The following AKT2 variants were observed in gnomAD, a reference collection of about 807,000 sequenced individuals.
AKT2 encodes the protein AKT serine/threonine kinase 2.
Under a neutral mutation model 58.6 loss-of-function variants are expected in AKT2, and 16 were observed. The observed-to-expected ratio is 0.27, with a 90% confidence interval of 0.18 to 0.41. The LOEUF is 0.41. AKT2 is among the 10% of genes least tolerant of loss of function. The pLI, the probability that AKT2 is intolerant of heterozygous loss-of-function variation, is 1.00. For synonymous variants in AKT2, 253 were observed against 254.0 expected, an observed-to-expected ratio of 1.00 and a Z score of 0.04; for missense variants, 438 against 661.0, an observed-to-expected ratio of 0.66 and a Z score of 3.70.
rs919118306 is a variant in AKT2 at position 40,285,041 on chromosome 19, C to G, written c.-85+140G>C. The G allele has an allele frequency of 6.2e-5, 24 of 384,388 alleles. 1 individual carries two copies. In the Admixed American group the frequency reaches 9.5e-4, roughly 15 times the overall value. The allele number at this position is 384,388 out of a possible 1,614,324, so 23.8% of individuals were successfully genotyped here. On this transcript the variant is annotated intron_variant, in intron 1 of 13. Transcript: ENST00000392038. ...CCCACCGCCCCCGCTCGGCCACCCC[C>G]ACTCAGCTCCTGAAGGAGGGGCTCG... is the stretch of plus-strand genomic sequence containing the variant.
intron 4 of AKT2, among the ~76,000 whole-genome samples, chr19:40,252,785 C>T (rs1975258421): frequency 1.3e-5 from 2 of 152,222 alleles, no homozygotes; most frequent in South Asian, 4.1e-4. Flanking sequence ...TTTCTCCTTG[C>T]TATCTCCGTG....
intron 2 of AKT2, 53 bp from the exon 3 acceptor site, chr19:40,257,107 T>C (rs1975593556): frequency 5.0e-6 from 8 of 1,607,360 alleles, no homozygotes; most frequent in Non-Finnish European, 6.0e-6. Context: ...TTGAGTGATG[T>C]CCCAGGTAGG....
intron 6 of AKT2, chr19:40,241,638 C>T: frequency 6.7e-6 from 3 of 446,934 alleles, no homozygotes; most frequent in African/African-American, 2.0e-5. Flanking sequence ...GACTCCCCAA[C>T]AGCGACGTCC....
rs192342056 is a variant in AKT2 at position 40,262,443 on chromosome 19, T to G, written c.46+2779A>C. Among the ~76,000 whole-genome samples, 160 of 152,328 alleles carry G rather than the reference T, an allele frequency of 1.1e-3. 2 individuals are homozygous for G. Among genetic ancestry groups the G allele is most frequent in the African/African-American group, 3.5e-3 (146 of 41,576 alleles). On this transcript the variant is annotated intron_variant, in intron 2 of 13. Transcript: ENST00000392038. The stretch of plus-strand genomic sequence containing the variant: ...TACCGTCTGCCTCTAAACCGGCAGA[T>G]GGAGCCCAGCATGGGGCGTGGCAGA...
Position 40,271,958 on chromosome 19 carries a change from T to A in AKT2, c.-84-6607A>T, listed in dbSNP as rs535283413. Among the ~76,000 whole-genome samples, 3 of 152,270 alleles carry A rather than the reference T, an allele frequency of 2.0e-5. No homozygotes were observed. The East Asian group carries it at 5.8e-4, about 29-fold the overall frequency. ...CTGAAATAGGGAAACCTGGCAACAA[T>A]CTAAAAGCTCACAACAGGGGTCTGG... On this transcript the variant is annotated intron_variant, in intron 1 of 13. Coordinates refer to ENST00000392038, the MANE Select transcript of AKT2 (RefSeq NM_001626.6).
intron 6 of AKT2, 72 bp from the exon 7 acceptor site, chr19:40,240,182 G>A (rs1974303276): frequency 2.1e-6 from 3 of 1,460,932 alleles, no homozygotes; most frequent in Non-Finnish European, 2.9e-6. Context: ...ACGAAGGGGA[G>A]CAAGGCCTTG....
intron 1 of AKT2, among the ~76,000 whole-genome samples, chr19:40,281,860 A>T (rs1444202687): frequency 6.6e-6 from 1 of 152,234 alleles, no homozygotes; most frequent in African/African-American, 2.4e-5. Context: ...TGTATGCCAG[A>T]ACAGTTATGA....
intron 2 of AKT2, among the ~76,000 whole-genome samples, chr19:40,262,858 C>G (rs998208513): frequency 6.6e-6 from 1 of 152,206 alleles, no homozygotes; most frequent in Admixed American, 6.5e-5. Context: ...ATTTTAACCA[C>G]CAAGGGGGTC....
Position 40,237,711 on chromosome 19 carries a change from T to C in AKT2, c.831+258A>G. 2 of 495,508 alleles carry C rather than the reference T, an allele frequency of 4.0e-6. No homozygotes were observed. The highest frequency in any genetic ancestry group is 7.4e-6 in the Non-Finnish European group (2 of 269,258). 30.7% of individuals were successfully genotyped at this position (495,508 alleles called of 1,614,324 possible). On this transcript the variant is annotated intron_variant, in intron 9 of 13. Transcript: ENST00000392038. The surrounding 1 kb of genome is among the most constrained non-coding windows in gnomAD (Gnocchi z 4.5). Reference sequence around the variant, plus strand: ...TCCGCTAGTGGCCTAGGAGCGCTCATGGGAGGCTTGGGAAGGTCCCTACTT... The same window carrying C: ...TCCGCTAGTGGCCTAGGAGCGCTCACGGGAGGCTTGGGAAGGTCCCTACTT...
At position 40,233,541 on chromosome 19, in the gene AKT2, A is replaced by C; in HGVS notation, c.*331T>G. The C allele has an allele frequency of 1.5e-6, 1 of 645,362 alleles. No homozygotes were observed. The highest frequency in any genetic ancestry group is 2.9e-6 in the Non-Finnish European group (1 of 340,474). The allele number at this position is 645,362 out of a possible 1,614,324, so 40.0% of individuals were successfully genotyped here. A position where few individuals can be genotyped will look rare whatever the true frequency, so the allele number is the denominator to read the frequency against. On this transcript the variant is annotated 3_prime_UTR_variant, in exon 14 of 14. Coordinates refer to ENST00000392038, the MANE Select transcript of AKT2 (RefSeq NM_001626.6). This position sits in a 1 kb window ranked among gnomAD's most constrained non-coding sequence, Gnocchi z 4.3. ...ACACCAGCACGACACCCAGGCCAGA[A>C]ACTCAGGCAGGCCCCAGGCGCCATG... is the stretch of plus-strand genomic sequence containing the variant.
intron 1 of AKT2, among the ~76,000 whole-genome samples, chr19:40,281,646 G>A (rs970402605): frequency 7.2e-5 from 11 of 152,202 alleles, no homozygotes; most frequent in South Asian, 6.2e-4. Flanking sequence ...TGTCTCCCCC[G>A]ACCTCTGTTT....
Position 40,233,557 on chromosome 19 carries a change from A to C in AKT2, c.*315T>G. ...CAGGCCAGAAACTCAGGCAGGCCCC[A>C]GGCGCCATGCTTCACCCCTCACTGG... On this transcript the variant is annotated 3_prime_UTR_variant, in exon 14 of 14. Transcript: ENST00000392038. This position sits in a 1 kb window ranked among gnomAD's most constrained non-coding sequence, Gnocchi z 4.3. 1 of 659,412 alleles carries C rather than the reference A, an allele frequency of 1.5e-6. No individual in the cohort carries two copies. The highest frequency in any genetic ancestry group is 2.9e-6 in the Non-Finnish European group (1 of 349,194). The allele number at this position is 659,412 out of a possible 1,614,324, so 40.8% of individuals were successfully genotyped here. A position where few individuals can be genotyped will look rare whatever the true frequency, so the allele number is the denominator to read the frequency against.
intron 1 of AKT2, chr19:40,266,440 GAAGGGAGGT>G (rs1449614411): frequency 6.6e-6 from 1 of 152,358 alleles, no homozygotes; most frequent in Non-Finnish European, 1.5e-5. Context: ...CCGGCAGAAA[GAAGGGAGGT>G]AAGTGGTAGG....
At chr19:40,244,406 T>C (rs1289897355) in intron 4 of AKT2, 2 of 151,708 alleles carry the variant, frequency 1.3e-5, no homozygotes, top group African/African-American at 4.8e-5. Context: ...ATCATACCAC[T>C]GCAATCAGCT....
intron 7 of AKT2, 116 bp from the exon 8 acceptor site, chr19:40,239,089 G>GTGT: frequency 2.8e-6 from 3 of 1,088,930 alleles, no homozygotes; most frequent in African/African-American, 1.6e-5. Context: ...CCCTGGCTGG[G>GTGT]GCCCCCAGGA....
At chr19:40,269,795 TGAGA>T (rs1976588499) in intron 1 of AKT2, among the ~76,000 whole-genome samples, 1 of 151,030 alleles carries the variant, frequency 6.6e-6, no homozygotes, top group Non-Finnish European at 1.5e-5. Context: ...AGGGAAGGAG[TGAGA>T]GAATGTTATA....
In AKT2 at chr19:40,230,745, A is replaced by G. The variant is rs1446524392; in HGVS notation, c.*3127T>C. On this transcript the variant is annotated 3_prime_UTR_variant, in exon 14 of 14. Transcript: ENST00000392038. ...TTTTTTTTTTTATTTTTAGAGACACAGTCTCATTGTCCCAGGCTGCAGTGC... is the reference window on the plus strand; with the variant it reads ...TTTTTTTTTTTATTTTTAGAGACACGGTCTCATTGTCCCAGGCTGCAGTGC... 14 of 199,404 alleles carry G rather than the reference A, an allele frequency of 7.0e-5. No individual in the cohort carries two copies. The East Asian group carries it at 1.1e-3, about 15-fold the overall frequency. The allele number at this position is 199,404 out of a possible 1,614,324, so 12.4% of individuals were successfully genotyped here.
rs1164956490 is a variant in AKT2, at chr19:40,242,606, C to T, written c.369G>A (p.Lys123=). 4 of 1,613,914 alleles carry T rather than the reference C, an allele frequency of 2.5e-6. No homozygotes were observed. The East Asian group carries it at 6.7e-5, about 27-fold the overall frequency. The change falls in exon 5 of 14, where the codon AAG becomes AAA. Residue 123 remains lysine, a synonymous_variant. Coordinates refer to ENST00000392038, the MANE Select transcript of AKT2 (RefSeq NM_001626.6). The surrounding 1 kb of genome is among the most constrained non-coding windows in gnomAD (Gnocchi z 4.3). ...RAPGEDPMDY[K]CGSPSDSSTT... is the part of the protein sequence containing the mutation. ...TGGAGGAGTCACTGGGGGAGCCACACTTGTAGTCCATGGGGTCCTCGCCTG... is the reference window on the plus strand; with the variant it reads ...TGGAGGAGTCACTGGGGGAGCCACATTTGTAGTCCATGGGGTCCTCGCCTG...
At chr19:40,275,086 G>A (rs1329607075) in intron 1 of AKT2, 1 of 456,776 alleles carries the variant, frequency 2.2e-6, no homozygotes, top group East Asian at 7.0e-5. Context: ...GAGGATGGGA[G>A]AGATTCGGTG....
Sources: allele counts gnomAD v4.1 joint callset (sites outside exome capture counted in the v4.1 genomes callset), GRCh38; gene constraint gnomAD v4.1.1; non-coding constraint Gnocchi (gnomAD v3.1); transcripts MANE v1.5; gene names NCBI Gene and HGNC (gene_info 2026-07-23, HGNC 2026-07-21).